The following KHDRBS2 variants were observed in gnomAD, a reference collection of about 807,000 sequenced individuals.
KHDRBS2 encodes KH domain-containing, RNA-binding, signal transduction-associated protein 2.
In KHDRBS2, 26 loss-of-function variants were observed where a neutral mutation model predicts 44.3. The observed-to-expected ratio is 0.59, with a 90% CI of 0.43 to 0.81. The LOEUF (loss-of-function observed/expected upper bound fraction) is 0.81, where lower values mean the gene tolerates loss of function less well. Among genes scored for constraint, KHDRBS2 ranks in the 40% least tolerant of loss-of-function variants. The pLI is 0.00. For missense variants in KHDRBS2, 476 were observed against 433.1 expected (o/e 1.10, Z -0.88); for synonymous variants, 194 against 151.1 (o/e 1.28, Z -2.08).
the KHDRBS2 span, among the ~76,000 whole-genome samples, chr6:61,660,859 A>G: frequency 6.6e-6 from 1 of 151,884 alleles, no homozygotes; most frequent in African/African-American, 2.4e-5. Flanking sequence ...GCCATCATGT[A>G]TGGTGGATGA....
chr6:61,661,554 T>A, the KHDRBS2 span, among the ~76,000 whole-genome samples: 2 of 151,930 alleles, frequency 1.3e-5, no homozygotes, highest in Non-Finnish European at 2.9e-5. Flanking sequence ...TTTTATATTA[T>A]GTGTTTTAGA....
chr6:61,624,571 C>T, the KHDRBS2 span, among the ~76,000 whole-genome samples: 1 of 152,294 alleles, frequency 6.6e-6, no homozygotes, highest in East Asian at 1.9e-4. Context: ...TGTAACATAA[C>T]ATCCAACAAG....
At chr6:61,775,928 G>A (rs1226242992) in intron 6 of KHDRBS2, among the ~76,000 whole-genome samples, 2 of 152,158 alleles carry the variant, frequency 1.3e-5, no homozygotes, top group Non-Finnish European at 2.9e-5. Flanking sequence ...GCATGGTACT[G>A]GTACCAAAAC....
the KHDRBS2 span, among the ~76,000 whole-genome samples, chr6:61,574,902 C>G: frequency 6.6e-6 from 1 of 151,934 alleles, no homozygotes; most frequent in Non-Finnish European, 1.5e-5. Flanking sequence ...GGGCGAAATA[C>G]CATCTCAAAA....
At chr6:61,753,453 A>G (rs1337621985) in intron 6 of KHDRBS2, among the ~76,000 whole-genome samples, 1 of 152,206 alleles carries the variant, frequency 6.6e-6, no homozygotes, top group African/African-American at 2.4e-5. Context: ...CTGGACAGAT[A>G]AAAGTAACTG....
At chr6:62,113,828 T>G (rs1381899621) in intron 2 of KHDRBS2, among the ~76,000 whole-genome samples, 4 of 152,098 alleles carry the variant, frequency 2.6e-5, no homozygotes, top group African/African-American at 9.7e-5. Flanking sequence ...TGGGAATGAA[T>G]CTCAGGAGCT....
At chr6:61,736,902 C>A (rs1775449049) in intron 6 of KHDRBS2, among the ~76,000 whole-genome samples, 1 of 151,970 alleles carries the variant, frequency 6.6e-6, no homozygotes, top group South Asian at 2.1e-4. Context: ...CTATAATTTT[C>A]TCTCTTTTTA....
intron 3 of KHDRBS2, among the ~76,000 whole-genome samples, chr6:61,991,486 A>C (rs1372310445): frequency 6.6e-6 from 1 of 152,158 alleles, no homozygotes; most frequent in African/African-American, 2.4e-5. Context: ...GGTTGAAAAG[A>C]AACCTACGAA....
chr6:61,570,411 T>C, the KHDRBS2 span, among the ~76,000 whole-genome samples: 2 of 151,834 alleles, frequency 1.3e-5, no homozygotes, highest in African/African-American at 4.8e-5. Context: ...CCAAGAAATT[T>C]TGGATTATGT....
intron 1 of KHDRBS2, among the ~76,000 whole-genome samples, chr6:62,262,487 A>G (rs16882802): frequency 0.036 from 5,446 of 151,926 alleles, 266 homozygotes; most frequent in African/African-American, 0.12. Flanking sequence ...CAGCAAAATC[A>G]AATACTCATA....
the KHDRBS2 span, among the ~76,000 whole-genome samples, chr6:61,611,717 G>C: frequency 6.6e-6 from 1 of 152,058 alleles, no homozygotes; most frequent in Non-Finnish European, 1.5e-5. Context: ...ACACTCATTT[G>C]ATTCTTTGTT....
intron 5 of KHDRBS2, among the ~76,000 whole-genome samples, chr6:61,900,353 T>C (rs1403789766): frequency 2.6e-5 from 4 of 152,158 alleles, no homozygotes; most frequent in Non-Finnish European, 5.9e-5. Flanking sequence ...TATCTTAAGA[T>C]AATTTTATGT....
chr6:61,977,148 C>A (rs1463047876), intron 4 of KHDRBS2, among the ~76,000 whole-genome samples: 1 of 151,984 alleles, frequency 6.6e-6, no homozygotes, highest in Non-Finnish European at 1.5e-5. Context: ...TGAACCTTAC[C>A]CACCATTTCC....
chr6:61,549,188 C>A, the KHDRBS2 span, among the ~76,000 whole-genome samples: 1 of 151,838 alleles, frequency 6.6e-6, no homozygotes. Flanking sequence ...TTGGAAAAAC[C>A]ATAAAGTATG....
the KHDRBS2 span, among the ~76,000 whole-genome samples, chr6:61,661,633 TG>T: frequency 6.6e-6 from 1 of 151,844 alleles, no homozygotes; most frequent in Admixed American, 6.6e-5. Flanking sequence ...TTAAATAAGA[TG>T]GAATGATTCA....
chr6:61,690,557 T>G (rs990160191), intron 8 of KHDRBS2, among the ~76,000 whole-genome samples: 2 of 152,058 alleles, frequency 1.3e-5, no homozygotes, highest in Admixed American at 6.6e-5. Context: ...GGTAAATTTT[T>G]TAAAAAGTCA....
At chr6:61,593,833 C>T in the KHDRBS2 span, among the ~76,000 whole-genome samples, 1 of 152,156 alleles carries the variant, frequency 6.6e-6, no homozygotes, top group Admixed American at 6.6e-5. Context: ...TTACTTACTG[C>T]AAGGTCAGAA....
the KHDRBS2 span, among the ~76,000 whole-genome samples, chr6:61,563,039 C>A: frequency 6.6e-6 from 1 of 152,098 alleles, no homozygotes; most frequent in Non-Finnish European, 1.5e-5. Context: ...TGCTTCCTAT[C>A]ACCACCTTTG....
chr6:61,874,826 C>T (rs1184196854), intron 6 of KHDRBS2, among the ~76,000 whole-genome samples: 2 of 152,084 alleles, frequency 1.3e-5, no homozygotes, highest in Non-Finnish European at 2.9e-5. Flanking sequence ...ATGTAAAGTC[C>T]TCCTGGTATT....
Sources: gnomAD v4.1 joint callset for allele counts (sites outside exome capture counted in the v4.1 genomes callset) on GRCh38, gnomAD v4.1.1 for gene constraint, MANE v1.5 for transcripts, NCBI Gene and HGNC (gene_info 2026-07-23, HGNC 2026-07-21) for gene names.